The following ZNF589 variants were observed in gnomAD, a reference collection of about 807,000 sequenced individuals.
ZNF589 encodes the protein zinc finger protein 589.
Under a neutral mutation model 13.6 loss-of-function variants are expected in ZNF589, and 17 were observed. The observed-to-expected ratio is 1.25, with a 90% CI of 0.86 to 1.88. ZNF589 has a LOEUF of 1.88. Among genes scored for constraint, ZNF589 ranks in the 40% most tolerant of loss-of-function variants. The probability of loss-of-function intolerance (pLI) is 0.00; values close to 1 mark genes in which losing one functional copy is unlikely to be tolerated. For missense variants in ZNF589, 407 were observed against 434.0 expected (o/e 0.94, Z 0.55); for synonymous variants, 148 against 161.6 (o/e 0.92, Z 0.64).
At chr3:48,248,220 C>T (rs1473293754) in intron 2 of ZNF589, among the ~76,000 whole-genome samples, 2 of 152,208 alleles carry the variant, frequency 1.3e-5, no homozygotes, top group Non-Finnish European at 2.9e-5. Context: ...ATAAATATTT[C>T]AGTCCTGTGT....
chr3:48,246,770 G>A (rs2033771060), intron 1 of ZNF589, among the ~76,000 whole-genome samples: 1 of 152,106 alleles, frequency 6.6e-6, no homozygotes, highest in African/African-American at 2.4e-5. Context: ...CCGGGTTCAT[G>A]CCATTCTCCT....
rs115373926 is a variant in ZNF589, at chr3:48,257,024, T to C, written c.97-3789T>C. 2,356 of 543,692 alleles carry C rather than the reference T, an allele frequency of 4.3e-3. 43 individuals are homozygous for C. Among genetic ancestry groups the C allele is most frequent in the African/African-American group, 0.039 (2,078 of 53,106 alleles). The allele number at this position is 543,692 out of a possible 1,614,324, so 33.7% of individuals were successfully genotyped here. A position where few individuals can be genotyped will look rare whatever the true frequency, so the allele number is the denominator to read the frequency against. The stretch of plus-strand genomic sequence containing the variant: ...AGAACTATAATAAACCCAAGTGTGG[T>C]ATGTAATTCTTCTTGGGCATTTCTG... On this transcript the variant is annotated intron_variant, in intron 2 of 3. Transcript: ENST00000354698.
intron 1 of ZNF589, among the ~76,000 whole-genome samples, chr3:48,242,751 AC>A (rs1329788136): frequency 2.0e-5 from 3 of 151,924 alleles, no homozygotes; most frequent in Admixed American, 6.6e-5. Context: ...TTCCAATAAA[AC>A]TTTCTTTATA....
At chr3:48,246,749 A>G (rs962905746) in intron 1 of ZNF589, among the ~76,000 whole-genome samples, 1 of 152,178 alleles carries the variant, frequency 6.6e-6, no homozygotes, top group Non-Finnish European at 1.5e-5. Flanking sequence ...GCACACTGCA[A>G]GCTCTGCCTC....
chr3:48,260,763 T>C, intron 2 of ZNF589, 50 bp from the exon 3 acceptor site: 1 of 1,611,886 alleles, frequency 6.2e-7, no homozygotes, highest in Non-Finnish European at 8.5e-7. Context: ...CCATTTTCAC[T>C]GTGAATCTTA....
intron 3 of ZNF589, among the ~76,000 whole-genome samples, chr3:48,263,802 A>T (rs777677568): frequency 2.6e-5 from 4 of 152,198 alleles, no homozygotes; most frequent in African/African-American, 7.2e-5. Flanking sequence ...ATTTAATTAA[A>T]TATGAATTTT....
chr3:48,251,985 G>C (rs2033843181), intron 2 of ZNF589, among the ~76,000 whole-genome samples: 1 of 151,768 alleles, frequency 6.6e-6, no homozygotes, highest in Non-Finnish European at 1.5e-5. Context: ...GCTGCAGTGA[G>C]CCATGTTCAC....
intron 3 of ZNF589, among the ~76,000 whole-genome samples, chr3:48,262,772 T>C (rs912589722): frequency 6.6e-6 from 1 of 152,222 alleles, no homozygotes; most frequent in African/African-American, 2.4e-5. Flanking sequence ...AAATCTATTT[T>C]AGATAATATC....
At chr3:48,252,092 C>A (rs189815531) in intron 2 of ZNF589, among the ~76,000 whole-genome samples, 3 of 151,844 alleles carry the variant, frequency 2.0e-5, no homozygotes, top group Non-Finnish European at 2.9e-5. Flanking sequence ...CTGTTCTGCT[C>A]CATTGAACTC....
At position 48,267,982 on chromosome 3, in the gene ZNF589, C is replaced by G; in HGVS notation, c.291C>G (p.Leu97=). 1 of 1,614,008 alleles carries G rather than the reference C, an allele frequency of 6.2e-7. No homozygotes were observed. The highest frequency in any genetic ancestry group is 8.5e-7 in the Non-Finnish European group (1 of 1,180,050). ...TGGCCTTTGGCAGTCAGCAGTTCCT[C>G]AGCCAAGATGAGCTACACAATCATC... ...CPLAFGSQQF[L]SQDELHNHPI... is the part of the protein sequence containing the mutation. The change falls in exon 4 of 4, where the codon CTC becomes CTG. Residue 97 remains leucine (L), a synonymous_variant. Coordinates refer to ENST00000354698, the MANE Select transcript of ZNF589 (RefSeq NM_016089.3).
intron 3 of ZNF589, among the ~76,000 whole-genome samples, chr3:48,264,666 T>C (rs1183450626): frequency 6.6e-6 from 1 of 151,596 alleles, no homozygotes; most frequent in Non-Finnish European, 1.5e-5. Context: ...CCGTCACTAC[T>C]AAAAATACAA....
At chr3:48,244,331 T>C (rs575474604) in intron 1 of ZNF589, among the ~76,000 whole-genome samples, 1 of 152,270 alleles carries the variant, frequency 6.6e-6, no homozygotes, top group South Asian at 2.1e-4. Flanking sequence ...ACTTTAGAAC[T>C]TGAAATAGTA....
At chr3:48,250,516 C>T (rs1034215451) in intron 2 of ZNF589, among the ~76,000 whole-genome samples, 2 of 151,320 alleles carry the variant, frequency 1.3e-5, no homozygotes, top group East Asian at 1.9e-4. Flanking sequence ...CTGTTGCCCA[C>T]GCTGGAGTAC....
At position 48,266,036 on chromosome 3, in the gene ZNF589, T is replaced by G. The variant is rs75264182; in HGVS notation, c.224-1879T>G. Reference sequence around the variant, plus strand: ...TAACTTTGTGTCCACAGTCATAAAGTAAGAAAAGACAAGACAGGGTTCAGG... The same window carrying G: ...TAACTTTGTGTCCACAGTCATAAAGGAAGAAAAGACAAGACAGGGTTCAGG... On this transcript the variant is annotated intron_variant, in intron 3 of 3. Transcript: ENST00000354698. Among the ~76,000 whole-genome samples the G allele has an allele frequency of 8.8e-3, 1,347 of 152,296 alleles. 9 individuals are homozygous for G. Among genetic ancestry groups the G allele is most frequent in the South Asian group, 0.016 (76 of 4,828 alleles).
intron 2 of ZNF589, chr3:48,256,876 G>A (rs1373357482): frequency 1.3e-5 from 13 of 1,014,906 alleles, no homozygotes; most frequent in Non-Finnish European, 1.9e-5. Flanking sequence ...TCACTGCTGG[G>A]CCTGCTAGGA....
chr3:48,267,599 G>GT (rs1191188912), intron 3 of ZNF589, among the ~76,000 whole-genome samples: 1 of 152,158 alleles, frequency 6.6e-6, no homozygotes, highest in Non-Finnish European at 1.5e-5. Flanking sequence ...GTTTCACCAT[G>GT]TTGGGCAGTA....
chr3:48,241,293 C>G (rs532802595), intron 1 of ZNF589, 79 bp downstream of exon 1: 207 of 1,551,066 alleles, frequency 1.3e-4, no homozygotes, highest in African/African-American at 8.2e-4. Flanking sequence ...CCGTATCCAC[C>G]AGGGATGCGC....
chr3:48,264,554 C>T (rs1230100144), intron 3 of ZNF589, among the ~76,000 whole-genome samples: 5 of 151,732 alleles, frequency 3.3e-5, no homozygotes, highest in Non-Finnish European at 7.4e-5. Flanking sequence ...AAAGGCCGGG[C>T]GCGGTGGCTC....
At position 48,268,801 on chromosome 3, in the gene ZNF589, A is replaced by G. The variant is rs779864197; in HGVS notation, c.*15A>G. The G allele has an allele frequency of 6.9e-6, 11 of 1,598,698 alleles. No homozygotes were observed. The highest frequency in any genetic ancestry group is 9.4e-6 in the Non-Finnish European group (11 of 1,172,366). ...GCAGAGATTGAGGCCGAGGCTTTGT[A>G]AGGAGATCATGTCTCAACACACACC... On this transcript the variant is annotated 3_prime_UTR_variant, in exon 4 of 4. Transcript: ENST00000354698.
Sources: allele counts gnomAD v4.1 joint callset (sites outside exome capture counted in the v4.1 genomes callset), GRCh38; gene constraint gnomAD v4.1.1; transcripts MANE v1.5; gene names NCBI Gene and HGNC (gene_info 2026-07-23, HGNC 2026-07-21).